NPAS2: variants seen among roughly 807,000 people sequenced by gnomAD.
NPAS2 encodes neuronal PAS domain protein 2, also known as neuronal PAS domain-containing protein 2.
A neutral mutation model predicts 107.5 loss-of-function variants in NPAS2; 23 were observed. The ratio of observed to expected loss-of-function variants is 0.21; its 90% CI spans 0.15 to 0.30. The LOEUF is 0.30. Ranked by LOEUF, NPAS2 falls within the 10% of genes least tolerant of loss-of-function variation. The pLI is 1.00. For synonymous variants in NPAS2, 403 were observed against 417.5 expected (o/e 0.97, Z 0.42); for missense variants, 756 against 1,043.3 (o/e 0.72, Z 3.79).
chr2:100,883,080 A>T (rs541930297), intron 1 of NPAS2, among the ~76,000 whole-genome samples: 1 of 152,336 alleles, frequency 6.6e-6, no homozygotes, highest in African/African-American at 2.4e-5. Context: ...AGCAGTGTCT[A>T]TGATGGATTG....
intron 1 of NPAS2, among the ~76,000 whole-genome samples, chr2:100,838,623 A>C (rs1222985797): frequency 1.3e-5 from 2 of 152,070 alleles, no homozygotes; most frequent in Non-Finnish European, 2.9e-5. Flanking sequence ...TGAGATGGAG[A>C]GAGCAGGACA....
intron 1 of NPAS2, among the ~76,000 whole-genome samples, chr2:100,866,641 C>T (rs7590391): frequency 0.68 from 102,750 of 152,070 alleles, 35,735 homozygotes; most frequent in Non-Finnish European, 0.76. Flanking sequence ...CAAAGAACAT[C>T]TAGTAGTAGT....
chr2:100,940,576 G>A (rs907165033), intron 5 of NPAS2, among the ~76,000 whole-genome samples: 3 of 152,176 alleles, frequency 2.0e-5, no homozygotes, highest in Non-Finnish European at 4.4e-5. Flanking sequence ...ATGTGTAGGC[G>A]CATAGAACCG....
rs1036675179 is a variant in NPAS2 at position 100,976,189 on chromosome 2, G to A, written c.1392+622G>A. Among the ~76,000 whole-genome samples, 4 of 151,880 alleles carry A rather than the reference G, an allele frequency of 2.6e-5. No individual in the cohort carries two copies. The highest frequency in any genetic ancestry group is 4.8e-5 in the African/African-American group (2 of 41,324). ...TGGCACTTCTCTGCTCCTTGGTGTC[G>A]GGGATCTCGTGGGCCTAGGCTATGG... On this transcript the variant is annotated intron_variant, in intron 14 of 20. Coordinates refer to ENST00000335681, the MANE Select transcript of NPAS2 (RefSeq NM_002518.4). This position sits in a 1 kb window ranked among gnomAD's most constrained non-coding sequence, Gnocchi z 4.1.
At chr2:100,832,325 G>A (rs1558788472) in intron 1 of NPAS2, among the ~76,000 whole-genome samples, 1 of 152,066 alleles carries the variant, frequency 6.6e-6, no homozygotes, top group Non-Finnish European at 1.5e-5. Flanking sequence ...CATCATCCTT[G>A]TCCCCTGATT....
At chr2:100,852,418 A>T (rs2104481639) in intron 1 of NPAS2, among the ~76,000 whole-genome samples, 1 of 152,186 alleles carries the variant, frequency 6.6e-6, no homozygotes, top group East Asian at 1.9e-4. Flanking sequence ...AAATAAAAAT[A>T]AAAAAAGTTT....
chr2:100,928,266 G>A (rs1683706179), intron 3 of NPAS2, among the ~76,000 whole-genome samples: 1 of 152,098 alleles, frequency 6.6e-6, no homozygotes, highest in African/African-American at 2.4e-5. Flanking sequence ...AGCAGTATTT[G>A]ATTGCCCTGA....
At chr2:100,929,552 C>A (rs1229473801) in intron 3 of NPAS2, among the ~76,000 whole-genome samples, 1 of 152,162 alleles carries the variant, frequency 6.6e-6, no homozygotes, top group Non-Finnish European at 1.5e-5. Flanking sequence ...AGGGGTGGGA[C>A]CACAATGGGA....
At chr2:100,925,990 C>G (rs897619877) in intron 3 of NPAS2, among the ~76,000 whole-genome samples, 1 of 152,164 alleles carries the variant, frequency 6.6e-6, no homozygotes, top group Non-Finnish European at 1.5e-5. Flanking sequence ...TGTTTTCTGT[C>G]TCCATCAATT....
intron 2 of NPAS2, among the ~76,000 whole-genome samples, chr2:100,910,415 G>T (rs1017414578): frequency 6.6e-6 from 1 of 152,004 alleles, no homozygotes; most frequent in Non-Finnish European, 1.5e-5. Context: ...ACCCCCAGAC[G>T]CTTTGCTAAG....
At chr2:100,951,840 T>C (rs1040088163) in intron 7 of NPAS2, among the ~76,000 whole-genome samples, 30 of 151,970 alleles carry the variant, frequency 2.0e-4, no homozygotes, top group Admixed American at 1.9e-3. Context: ...TTGTTATATG[T>C]GTTTTACCAC....
intron 7 of NPAS2, among the ~76,000 whole-genome samples, chr2:100,963,325 C>T (rs1676021155): frequency 6.6e-6 from 1 of 152,242 alleles, no homozygotes; most frequent in Non-Finnish European, 1.5e-5. Context: ...ATAGAATTCA[C>T]CTTAAAACAC....
At chr2:100,845,579 A>C (rs527531042) in intron 1 of NPAS2, among the ~76,000 whole-genome samples, 33 of 152,340 alleles carry the variant, frequency 2.2e-4, no homozygotes, top group African/African-American at 7.0e-4. Context: ...GGTGGATGCC[A>C]GCTGGGGCCA....
chr2:100,964,427 T>A (rs1676094425), intron 8 of NPAS2, among the ~76,000 whole-genome samples: 1 of 152,182 alleles, frequency 6.6e-6, no homozygotes, highest in African/African-American at 2.4e-5. Flanking sequence ...TAACTGTAAA[T>A]CTTCCCACCT....
chr2:100,844,638 A>G (rs1247498507), intron 1 of NPAS2, among the ~76,000 whole-genome samples: 2 of 152,136 alleles, frequency 1.3e-5, no homozygotes, highest in Admixed American at 6.5e-5. Flanking sequence ...ATGTCGCCAC[A>G]TGAATATAGG....
At chr2:100,869,103 ATTT>A (rs10608079) in intron 1 of NPAS2, among the ~76,000 whole-genome samples, 3 of 147,170 alleles carry the variant, frequency 2.0e-5, no homozygotes, top group Admixed American at 2.0e-4. Flanking sequence ...TAATTTTTGT[ATTT>A]TTTTTTTTTT....
intron 2 of NPAS2, among the ~76,000 whole-genome samples, chr2:100,917,190 CAG>C (rs545116995): frequency 1.2e-3 from 178 of 152,130 alleles, no homozygotes; most frequent in African/African-American, 4.1e-3. Context: ...AAATTAGAAA[CAG>C]AAAAACAATA....
chr2:100,850,796 T>C (rs1011473919), intron 1 of NPAS2, among the ~76,000 whole-genome samples: 4 of 150,858 alleles, frequency 2.7e-5, no homozygotes, highest in African/African-American at 9.8e-5. Flanking sequence ...CTACAAAAAA[T>C]ACAAAAATTA....
Position 100,842,081 on chromosome 2 carries a change from G to GCGCGCGCACACACACACACACA in NPAS2, c.-23+21668_-23+21669insGCGCGCACACACACACACACAC. 7.5e-3 allele frequency among the ~76,000 whole-genome samples: 1,122 copies of GCGCGCGCACACACACACACACA among 148,894 alleles called. 4 individuals are homozygous for GCGCGCGCACACACACACACACA. The highest frequency in any genetic ancestry group is 9.1e-3 in the Non-Finnish European group (609 of 66,822). On this transcript the variant is annotated intron_variant, in intron 1 of 20. Transcript: ENST00000335681. Reference sequence around the variant, plus strand: ...TTCATGCATGAGTGTGCATGTACGCGCACACACACACACACACACACACAC... The same window carrying GCGCGCGCACACACACACACACA: ...TTCATGCATGAGTGTGCATGTACGCGCGCGCGCACACACACACACACACACACACACACACACACACACACAC...
Sources: allele counts gnomAD v4.1 joint callset (sites outside exome capture counted in the v4.1 genomes callset), GRCh38; gene constraint gnomAD v4.1.1; non-coding constraint Gnocchi (gnomAD v3.1); transcripts MANE v1.5; gene names NCBI Gene and HGNC (gene_info 2026-07-23, HGNC 2026-07-21).